The following CFAP20DC variants were observed in gnomAD, a reference collection of about 807,000 sequenced individuals.
The protein encoded by CFAP20DC is CFAP20 domain containing.
CFAP20DC carries 84 observed loss-of-function variants against 101.7 expected under a neutral mutation model. The observed-to-expected ratio is 0.83, with a 90% confidence interval of 0.69 to 0.99. The LOEUF (loss-of-function observed/expected upper bound fraction) is 0.99. Among genes scored for constraint, CFAP20DC ranks in the 50% least tolerant of loss-of-function variants. The probability of loss-of-function intolerance (pLI) is 0.00; values close to 1 mark genes in which losing one functional copy is unlikely to be tolerated. For missense variants in CFAP20DC, 1,007 were observed against 970.3 expected, an observed-to-expected ratio of 1.04 and a Z score of -0.50; for synonymous variants, 359 against 351.2, an observed-to-expected ratio of 1.02 and a Z score of -0.25.
chr3:58,896,852 T>G (rs1474251487), intron 6 of CFAP20DC, among the ~76,000 whole-genome samples: 1 of 152,200 alleles, frequency 6.6e-6, no homozygotes, highest in Non-Finnish European at 1.5e-5. Flanking sequence ...GAGAAGAATG[T>G]ATACTCTGTT....
chr3:58,785,266 C>A (rs569853651), intron 15 of CFAP20DC, among the ~76,000 whole-genome samples: 1 of 152,018 alleles, frequency 6.6e-6, no homozygotes, highest in South Asian at 2.1e-4. Flanking sequence ...ATGATAGATA[C>A]CGGAGGCTGG....
At chr3:58,932,533 A>G (rs569234659) in intron 5 of CFAP20DC, among the ~76,000 whole-genome samples, 6 of 151,938 alleles carry the variant, frequency 3.9e-5, no homozygotes, top group African/African-American at 7.2e-5. Context: ...GAAAGGTCGC[A>G]TTACCTACAA....
At chr3:58,845,437 C>T (rs1470690461) in intron 13 of CFAP20DC, among the ~76,000 whole-genome samples, 1 of 151,610 alleles carries the variant, frequency 6.6e-6, no homozygotes, top group Non-Finnish European at 1.5e-5. Flanking sequence ...TTCCTGGACA[C>T]ATACACTCTC....
chr3:58,869,405 G>C lies in CFAP20DC; in HGVS notation c.938C>G (p.Ala313Gly). 1 of 1,613,640 alleles carries C rather than the reference G, an allele frequency of 6.2e-7. No homozygotes were observed. Among genetic ancestry groups the C allele is most frequent in the African/African-American group, 1.3e-5 (1 of 75,022 alleles). ...EKCVNGTEMS[A>G]LLIPESEEQG... Reference sequence around the variant, plus strand: ...TTCCTCAGACTCAGGTATCAGCAAGGCTGACATTTCTGTACCATTAACACA... The same window carrying C: ...TTCCTCAGACTCAGGTATCAGCAAGCCTGACATTTCTGTACCATTAACACA... The change falls in exon 9 of 17, where the codon GCC becomes GGC. Residue 313 changes from alanine (A) to glycine (G), a missense_variant. By Grantham distance (60) the Ala-to-Gly change is moderately conservative (BLOSUM62 0). Transcript: ENST00000482387. The surrounding 1 kb of genome is among the most constrained non-coding windows in gnomAD (Gnocchi z 4.3).
intron 1 of CFAP20DC, among the ~76,000 whole-genome samples, chr3:59,047,731 T>C (rs1004033887): frequency 2.6e-5 from 4 of 152,154 alleles, no homozygotes; most frequent in Non-Finnish European, 4.4e-5. Context: ...GAACTTGGAG[T>C]TACTTAACTT....
intron 5 of CFAP20DC, among the ~76,000 whole-genome samples, chr3:58,930,526 C>G (rs2086495465): frequency 6.6e-6 from 1 of 152,142 alleles, no homozygotes; most frequent in Non-Finnish European, 1.5e-5. Flanking sequence ...ATAAAAATGT[C>G]CCTTTGTCAG....
At chr3:58,832,901 G>A (rs2076492321) in intron 13 of CFAP20DC, among the ~76,000 whole-genome samples, 1 of 151,980 alleles carries the variant, frequency 6.6e-6, no homozygotes, top group African/African-American at 2.4e-5. Flanking sequence ...TGATTTACAC[G>A]CAGAACTGCC....
At chr3:58,739,182 T>A (rs1575524354), downstream of CFAP20DC, among the ~76,000 whole-genome samples, 1 of 152,192 alleles carries the variant, frequency 6.6e-6, no homozygotes, top group African/African-American at 2.4e-5. Context: ...TAGCAAGAAC[T>A]TATAATTACC....
In CFAP20DC at chr3:59,047,192, G is replaced by T. The variant is rs1014963985; in HGVS notation, c.84C>A (p.Ile28=). 5.2e-6 allele frequency: 8 copies of T among 1,534,880 alleles called. No homozygotes were observed. Among genetic ancestry groups the T allele is most frequent in the Non-Finnish European group, 6.1e-6 (7 of 1,146,058 alleles). Residue 28 remains isoleucine (I), a synonymous_variant, in exon 2 of 17, where the codon ATC becomes ATA. Coordinates refer to ENST00000482387, the MANE Select transcript of CFAP20DC (RefSeq NM_001394063.1). Reference sequence around the variant, plus strand: ...TCCAAATCACAGATGGACTACCAAGGATCTTCCATTTTGCTCCAGGATTTT... The same window carrying T: ...TCCAAATCACAGATGGACTACCAAGTATCTTCCATTTTGCTCCAGGATTTT... The part of the protein sequence containing the change: ...QGKNPGAKWK[I]LGSPSVIWKE...
At chr3:59,019,899 C>T (rs1218791043) in intron 4 of CFAP20DC, among the ~76,000 whole-genome samples, 1 of 152,042 alleles carries the variant, frequency 6.6e-6, no homozygotes, top group Non-Finnish European at 1.5e-5. Context: ...TTCACTCTCA[C>T]TGTCTCACAG....
intron 15 of CFAP20DC, among the ~76,000 whole-genome samples, chr3:58,804,919 C>T (rs2073952375): frequency 6.6e-6 from 1 of 152,156 alleles, no homozygotes. Flanking sequence ...TACTAGGTAA[C>T]ATGAACAAAT....
At chr3:58,906,609 A>G (rs951975396) in intron 6 of CFAP20DC, among the ~76,000 whole-genome samples, 3 of 152,052 alleles carry the variant, frequency 2.0e-5, no homozygotes. Context: ...ATTGTTGGGA[A>G]AATAATTATT....
chr3:58,782,067 A>G (rs1416995951), intron 15 of CFAP20DC, among the ~76,000 whole-genome samples: 4 of 150,790 alleles, frequency 2.7e-5, no homozygotes, highest in African/African-American at 9.7e-5. Flanking sequence ...TATTAAAAAA[A>G]TTAATATACA....
chr3:58,926,681 C>T (rs1188273861), intron 5 of CFAP20DC, among the ~76,000 whole-genome samples: 1 of 152,070 alleles, frequency 6.6e-6, no homozygotes, highest in Non-Finnish European at 1.5e-5. Flanking sequence ...GTTTTAAAAA[C>T]ATTATACCAG....
At chr3:58,820,874 C>G (rs1197878873) in intron 14 of CFAP20DC, among the ~76,000 whole-genome samples, 1 of 149,928 alleles carries the variant, frequency 6.7e-6, no homozygotes, top group Non-Finnish European at 1.5e-5. Flanking sequence ...GGAGCCATCA[C>G]ACTACCTGAC....
intron 4 of CFAP20DC, among the ~76,000 whole-genome samples, chr3:58,977,489 C>T (rs2092326970): frequency 6.6e-6 from 1 of 152,124 alleles, no homozygotes; most frequent in African/African-American, 2.4e-5. Flanking sequence ...TTAGAAAACA[C>T]TGAGGTAAGC....
chr3:58,901,084 A>G (rs1182792683), intron 6 of CFAP20DC, among the ~76,000 whole-genome samples: 1 of 152,202 alleles, frequency 6.6e-6, no homozygotes, highest in Non-Finnish European at 1.5e-5. Flanking sequence ...AGACTCATCT[A>G]CGTTCATCTT....
At position 58,799,450 on chromosome 3, in the gene CFAP20DC, A is replaced by G. The variant is rs1316428626; in HGVS notation, c.2237+6945T>C. 6.6e-6 allele frequency among the ~76,000 whole-genome samples: 1 copy of G among 152,210 alleles called. No individual in the cohort carries two copies. Among genetic ancestry groups the G allele is most frequent in the Non-Finnish European group, 1.5e-5 (1 of 68,024 alleles). On this transcript the variant is annotated intron_variant, in intron 15 of 16. Coordinates refer to ENST00000482387, the MANE Select transcript of CFAP20DC (RefSeq NM_001394063.1). The surrounding 1 kb of genome is among the most constrained non-coding windows in gnomAD (Gnocchi z 4.9). ...GTACTAGAGACTCTTAAGGTAGAGA[A>G]GTATACAGGTGCTCATGGGCTCCAG...
At chr3:58,811,239 A>C (rs577690149) in intron 14 of CFAP20DC, among the ~76,000 whole-genome samples, 1 of 152,292 alleles carries the variant, frequency 6.6e-6, no homozygotes, top group East Asian at 1.9e-4. Context: ...AAGAGCCCGC[A>C]TTGCCAAGTC....
Sources: allele counts gnomAD v4.1 joint callset (sites outside exome capture counted in the v4.1 genomes callset), GRCh38; gene constraint gnomAD v4.1.1; non-coding constraint Gnocchi (gnomAD v3.1); transcripts MANE v1.5; gene names NCBI Gene and HGNC (gene_info 2026-07-23, HGNC 2026-07-21).